The following BNC1 variants were observed in gnomAD, a reference collection of about 807,000 sequenced individuals.
BNC1 encodes zinc finger protein basonuclin-1.
Under a neutral mutation model 66.5 loss-of-function variants are expected in BNC1, and 8 were observed. The ratio of observed to expected loss-of-function variants is 0.12; its 90% CI spans 0.07 to 0.22. The LOEUF is 0.22. Among genes scored for constraint, BNC1 ranks in the 10% least tolerant of loss-of-function variants. BNC1 has a pLI of 1.00. For synonymous variants in BNC1, 454 were observed against 452.6 expected, an observed-to-expected ratio of 1.00 and a Z score of -0.04; for missense variants, 1,069 against 1,241.3, an observed-to-expected ratio of 0.86 and a Z score of 2.09.
chr15:83,281,901 G>GA (rs2038382611), intron 1 of BNC1, among the ~76,000 whole-genome samples: 2 of 152,302 alleles, frequency 1.3e-5, no homozygotes, highest in African/African-American at 2.4e-5. Flanking sequence ...GCATGGGCCT[G>GA]GGATGCAGGC....
intron 1 of BNC1, 130 bp from the exon 2 acceptor site, chr15:83,268,362 G>A: frequency 1.3e-6 from 1 of 778,788 alleles, no homozygotes; most frequent in South Asian, 1.7e-5. Flanking sequence ...TGTGTGCCAG[G>A]CCCAGAAGTG....
intron 1 of BNC1, among the ~76,000 whole-genome samples, chr15:83,280,479 A>G (rs554110422): frequency 6.6e-6 from 1 of 152,348 alleles, no homozygotes; most frequent in Non-Finnish European, 1.5e-5. Context: ...GAAATTGTGA[A>G]CATTTCTAAG....
chr15:83,263,781 A>C lies in BNC1; in HGVS notation c.1470T>G (p.Pro490=), dbSNP rs774807331. The change falls in exon 4 of 5, where the codon CCT becomes CCG. Residue 490 remains proline (P), a synonymous_variant. Coordinates refer to ENST00000345382, the MANE Select transcript of BNC1 (RefSeq NM_001717.4). The stretch of plus-strand genomic sequence containing the variant: ...CAGGCGTGGCTGGACTGCGGTAGAA[A>C]GGAAGGACTGGCTGGACTGTCTTTA... ...PNLKTVQPVL[P]FYRSPATPAE... 3 of 1,614,198 alleles carry C rather than the reference A, an allele frequency of 1.9e-6. No homozygotes were observed. The Admixed American group carries it at 5.0e-5, about 27-fold the overall frequency.
At chr15:83,269,000 T>C (rs963432727) in intron 1 of BNC1, among the ~76,000 whole-genome samples, 1 of 152,068 alleles carries the variant, frequency 6.6e-6, no homozygotes, top group African/African-American at 2.4e-5. Context: ...CCAAGGTGGG[T>C]GGATCACGAA....
intron 3 of BNC1, among the ~76,000 whole-genome samples, chr15:83,265,996 A>G (rs7173166): frequency 0.38 from 58,226 of 151,972 alleles, 13,140 homozygotes; most frequent in African/African-American, 0.64. Context: ...ACATTTTCTA[A>G]TGTAATGGCA....
intron 1 of BNC1, among the ~76,000 whole-genome samples, chr15:83,278,074 T>C (rs1037360755): frequency 2.6e-5 from 4 of 152,158 alleles, no homozygotes; most frequent in South Asian, 2.1e-4. Context: ...AAATAGGTAA[T>C]AAGGACAACC....
In BNC1 at chr15:83,257,418, G is replaced by A. The variant is rs762617437; in HGVS notation, c.*24C>T. ...CCTGAATTATGAAAAAAGCTTATCT[G>A]AGCATACTTGGTTTGCCATCTTGTT... On this transcript the variant is annotated 3_prime_UTR_variant, in exon 5 of 5. Coordinates refer to ENST00000345382, the MANE Select transcript of BNC1 (RefSeq NM_001717.4). 33 of 1,590,628 alleles carry A rather than the reference G, an allele frequency of 2.1e-5. No individual in the cohort carries two copies. Among genetic ancestry groups the A allele is most frequent in the Non-Finnish European group, 2.7e-5 (31 of 1,165,324 alleles).
At chr15:83,274,098 A>T (rs1456635341) in intron 1 of BNC1, among the ~76,000 whole-genome samples, 2 of 152,162 alleles carry the variant, frequency 1.3e-5, no homozygotes, top group Admixed American at 6.5e-5. Context: ...AAAATTAAAT[A>T]AAATGGCCAG....
intron 4 of BNC1, 137 bp downstream of exon 4, chr15:83,262,814 C>T: frequency 2.2e-6 from 2 of 915,106 alleles, no homozygotes; most frequent in Non-Finnish European, 3.2e-6. Flanking sequence ...TCAGGCCTCA[C>T]CCTAGATCTA....
chr15:83,262,135 C>T (rs1225193154), intron 4 of BNC1, among the ~76,000 whole-genome samples: 2 of 150,602 alleles, frequency 1.3e-5, no homozygotes, highest in Non-Finnish European at 2.9e-5. Flanking sequence ...GCAATCTCTG[C>T]CTCTCGGGTT....
chr15:83,283,175 G>A (rs1235358264), intron 1 of BNC1: 1 of 1,535,628 alleles, frequency 6.5e-7, no homozygotes, highest in Admixed American at 2.0e-5. Flanking sequence ...GCCACAAAGA[G>A]ATGCCTTAAA....
At chr15:83,259,593 G>A (rs2038119331) in intron 4 of BNC1, among the ~76,000 whole-genome samples, 1 of 152,084 alleles carries the variant, frequency 6.6e-6, no homozygotes, top group South Asian at 2.1e-4. Flanking sequence ...GGGTTGAAGG[G>A]GCTGGTATGT....
chr15:83,262,005 T>C (rs533422678), intron 4 of BNC1, among the ~76,000 whole-genome samples: 1 of 152,190 alleles, frequency 6.6e-6, no homozygotes, highest in East Asian at 1.9e-4. Context: ...AAATAGTTGT[T>C]TACGCTTTAC....
In BNC1 at chr15:83,264,198, A is replaced by G; in HGVS notation, c.1053T>C (p.Gly351=). 2 of 1,614,166 alleles carry G rather than the reference A, an allele frequency of 1.2e-6. No homozygotes were observed. Among genetic ancestry groups the G allele is most frequent in the Non-Finnish European group, 1.7e-6 (2 of 1,180,028 alleles). The part of the protein sequence containing the change: ...AKVKPERNSL[G]TKKGRVFCTA... ...TGCAGAACACCCGGCCCTTCTTTGT[A>G]CCAAGGCTATTCCTCTCAGGCTTCA... Residue 351 remains glycine, a synonymous_variant, in exon 4 of 5, where the codon GGT becomes GGC. Coordinates refer to ENST00000345382, the MANE Select transcript of BNC1 (RefSeq NM_001717.4).
chr15:83,266,123 C>A (rs2038214964), intron 3 of BNC1, among the ~76,000 whole-genome samples: 1 of 152,030 alleles, frequency 6.6e-6, no homozygotes, highest in African/African-American at 2.4e-5. Flanking sequence ...AAACATGAAG[C>A]CTACACACTC....
chr15:83,266,714 AG>A, intron 3 of BNC1, 121 bp downstream of exon 3: 1 of 857,906 alleles, frequency 1.2e-6, no homozygotes, highest in Non-Finnish European at 1.9e-6. Flanking sequence ...TTAGAAAAGA[AG>A]TATTAAAGGG....
At chr15:83,267,546 T>C (rs2038229983) in intron 2 of BNC1, among the ~76,000 whole-genome samples, 1 of 152,200 alleles carries the variant, frequency 6.6e-6, no homozygotes, top group African/African-American at 2.4e-5. Flanking sequence ...ATCAGTCACA[T>C]ATGGCTATTT....
At position 83,283,337 on chromosome 15, in the gene BNC1, G is replaced by A. The variant is rs1012643055; in HGVS notation, c.99+1193C>T. 4 of 1,467,184 alleles carry A rather than the reference G, an allele frequency of 2.7e-6. No homozygotes were observed. The Admixed American group carries it at 8.4e-5, about 31-fold the overall frequency. The allele number at this position is 1,467,184 out of a possible 1,614,324, so 90.9% of individuals were successfully genotyped here. On this transcript the variant is annotated intron_variant, in intron 1 of 4. Transcript: ENST00000345382. The stretch of plus-strand genomic sequence containing the variant: ...ACTCCGGCAAAGCCAGGCGGCGGCG[G>A]GGCTCCGGGTCTGGGCGGCGGCTCC...
At position 83,263,984 on chromosome 15, in the gene BNC1, C is replaced by T; in HGVS notation, c.1267G>A (p.Asp423Asn). The change falls in exon 4 of 5, where the codon GAC becomes AAC. Residue 423 changes from aspartate to asparagine, a missense_variant. Asp to Asn is a conservative substitution (Grantham distance 23). This residue lies in a region of BNC1 where 657 missense variants were observed against 715.8 expected (regional missense o/e 0.92). Coordinates refer to ENST00000345382, the MANE Select transcript of BNC1 (RefSeq NM_001717.4). ...LHMPMNRNNR[D>N]KDLRNSLNLA... ...TTCAGGCTGTTCCTGAGGTCTTTGTCCCGGTTATTTCTGTTCATTGGCATG... is the reference window on the plus strand; with the variant it reads ...TTCAGGCTGTTCCTGAGGTCTTTGTTCCGGTTATTTCTGTTCATTGGCATG... 6.2e-7 allele frequency: 1 copy of T among 1,614,140 alleles called. No individual in the cohort carries two copies. Among genetic ancestry groups the T allele is most frequent in the Non-Finnish European group, 8.5e-7 (1 of 1,180,036 alleles).
Sources: allele counts gnomAD v4.1 joint callset (sites outside exome capture counted in the v4.1 genomes callset), GRCh38; gene constraint gnomAD v4.1.1; regional missense constraint gnomAD v4.1.1; transcripts MANE v1.5; gene names NCBI Gene and HGNC (gene_info 2026-07-23, HGNC 2026-07-21).